TMEM117: variants seen among roughly 807,000 people sequenced by gnomAD.
TMEM117 encodes the protein transmembrane protein 117.
A neutral mutation model predicts 52.4 loss-of-function variants in TMEM117; 27 were observed. That is an observed-to-expected ratio of 0.51 (90% CI 0.38 to 0.71). The LOEUF is 0.71. Among genes scored for constraint, TMEM117 ranks in the 30% least tolerant of loss-of-function variants. The pLI is 0.00. For missense variants in TMEM117, 556 were observed against 630.5 expected, an observed-to-expected ratio of 0.88 and a Z score of 1.26; for synonymous variants, 215 against 206.3, an observed-to-expected ratio of 1.04 and a Z score of -0.36.
At chr12:44,346,076 C>T (rs1291723702) in intron 6 of TMEM117, among the ~76,000 whole-genome samples, 2 of 152,066 alleles carry the variant, frequency 1.3e-5, no homozygotes, top group African/African-American at 2.4e-5. Context: ...CAGTTCGATA[C>T]AAATAAAATC....
At chr12:44,114,320 T>TA (rs1371064299) in intron 3 of TMEM117, among the ~76,000 whole-genome samples, 2 of 152,208 alleles carry the variant, frequency 1.3e-5, no homozygotes, top group Admixed American at 6.5e-5. Context: ...TGCCTGTTCA[T>TA]AATGGCAACC....
chr12:44,247,894 C>G (rs1950150102), intron 5 of TMEM117, among the ~76,000 whole-genome samples: 1 of 152,182 alleles, frequency 6.6e-6, no homozygotes, highest in African/African-American at 2.4e-5. Context: ...GCTCTCTCTC[C>G]CACCGCCTTG....
At chr12:44,218,915 G>A (rs917512896) in intron 5 of TMEM117, among the ~76,000 whole-genome samples, 20 of 152,140 alleles carry the variant, frequency 1.3e-4, no homozygotes, top group African/African-American at 4.8e-4. Flanking sequence ...TGCTGTTTAA[G>A]TTGCATAGCT....
chr12:44,074,878 G>T (rs866061752), intron 3 of TMEM117, among the ~76,000 whole-genome samples: 1 of 152,086 alleles, frequency 6.6e-6, no homozygotes, highest in African/African-American at 2.4e-5. Flanking sequence ...CTCTTGCTTC[G>T]TGGTAATTTA....
intron 3 of TMEM117, among the ~76,000 whole-genome samples, chr12:44,123,758 A>G (rs538409032): frequency 6.6e-6 from 1 of 152,258 alleles, no homozygotes; most frequent in South Asian, 2.1e-4. Flanking sequence ...ACATTGGTAT[A>G]TGTGTCCGTT....
chr12:43,959,968 G>A (rs986261529), intron 3 of TMEM117, among the ~76,000 whole-genome samples: 4 of 152,200 alleles, frequency 2.6e-5, no homozygotes, highest in African/African-American at 9.7e-5. Flanking sequence ...GGGTTCAGGA[G>A]CTAGTGTGGG....
In TMEM117 at chr12:44,223,977, A is replaced by G. The variant is rs150639633; in HGVS notation, c.608+12590A>G. ...CTGGCTGTCAATCTACTGCGCTTCC[A>G]TATTTTATTAACTCTGTGTGGGCTT... is the stretch of plus-strand genomic sequence containing the variant. On this transcript the variant is annotated intron_variant, in intron 5 of 7. Coordinates refer to ENST00000266534, the MANE Select transcript of TMEM117 (RefSeq NM_032256.3). Among the ~76,000 whole-genome samples, 900 of 152,224 alleles carry G rather than the reference A, an allele frequency of 5.9e-3. 7 individuals are homozygous for G. The highest frequency in any genetic ancestry group is 0.02 in the African/African-American group (848 of 41,546).
rs55867403 is a variant in TMEM117, at chr12:44,129,260, C to T, written c.411-14265C>T. On this transcript the variant is annotated intron_variant, in intron 3 of 7. Transcript: ENST00000266534. ...TACACATACCCTTTAGTGAGCAGCC[C>T]AAGTCAGCAGTGTGGCCATCCACTT... is the stretch of plus-strand genomic sequence containing the variant. Among the ~76,000 whole-genome samples the T allele has an allele frequency of 4.5e-3, 687 of 152,278 alleles. 2 individuals carry two copies. The highest frequency in any genetic ancestry group is 8.0e-3 in the Non-Finnish European group (547 of 68,016).
chr12:44,282,248 C>T (rs969030022), intron 5 of TMEM117, among the ~76,000 whole-genome samples: 1 of 152,192 alleles, frequency 6.6e-6, no homozygotes, highest in South Asian at 2.1e-4. Context: ...CAGACTAATA[C>T]AGTAAATTGG....
chr12:44,047,633 A>G (rs2137915207), intron 3 of TMEM117, among the ~76,000 whole-genome samples: 1 of 152,336 alleles, frequency 6.6e-6, no homozygotes, highest in South Asian at 2.1e-4. Context: ...CAATAATTTT[A>G]CCAGCTAAAT....
intron 2 of TMEM117, among the ~76,000 whole-genome samples, chr12:43,854,220 G>C (rs907334837): frequency 6.6e-6 from 1 of 152,076 alleles, no homozygotes; most frequent in Non-Finnish European, 1.5e-5. Context: ...AGAGATTTGG[G>C]GAGTAAAACA....
At chr12:44,238,641 T>C (rs2138474067) in intron 5 of TMEM117, among the ~76,000 whole-genome samples, 1 of 152,052 alleles carries the variant, frequency 6.6e-6, no homozygotes, top group African/African-American at 2.4e-5. Flanking sequence ...CAAGACCCTG[T>C]CTCTAAACAA....
At chr12:44,185,191 C>G (rs1367965405) in intron 4 of TMEM117, among the ~76,000 whole-genome samples, 1 of 152,178 alleles carries the variant, frequency 6.6e-6, no homozygotes, top group Non-Finnish European at 1.5e-5. Flanking sequence ...GAGCTGACAT[C>G]TTTTCTTACT....
At chr12:44,232,749 TTG>T (rs1395568254) in intron 5 of TMEM117, among the ~76,000 whole-genome samples, 1 of 151,416 alleles carries the variant, frequency 6.6e-6, no homozygotes, top group Non-Finnish European at 1.5e-5. Flanking sequence ...ATTCCTTTAT[TTG>T]TGTCTTTAAT....
chr12:44,035,645 G>T (rs1054151190), intron 3 of TMEM117, among the ~76,000 whole-genome samples: 1 of 152,124 alleles, frequency 6.6e-6, no homozygotes, highest in Non-Finnish European at 1.5e-5. Flanking sequence ...TTGTTAACTT[G>T]AGTGTACTCT....
At chr12:43,813,886 T>C in the TMEM117 span, among the ~76,000 whole-genome samples, 3,353 of 152,200 alleles carry the variant, frequency 0.022, 60 homozygotes, top group Non-Finnish European at 0.032. Flanking sequence ...CTCCCTCCCT[T>C]ACTTTCTTTT....
At chr12:44,121,336 A>G (rs1948230845) in intron 3 of TMEM117, among the ~76,000 whole-genome samples, 1 of 152,184 alleles carries the variant, frequency 6.6e-6, no homozygotes, top group Non-Finnish European at 1.5e-5. Flanking sequence ...CCATTGAACA[A>G]CATGGGTTTG....
At chr12:43,955,321 G>C (rs1243927980) in intron 3 of TMEM117, among the ~76,000 whole-genome samples, 1 of 152,056 alleles carries the variant, frequency 6.6e-6, no homozygotes, top group Non-Finnish European at 1.5e-5. Context: ...AGAAAGAAAG[G>C]GTATTCAGGT....
chr12:44,331,195 A>T (rs1351470378), intron 6 of TMEM117, among the ~76,000 whole-genome samples: 2 of 151,874 alleles, frequency 1.3e-5, no homozygotes, highest in African/African-American at 4.8e-5. Context: ...AAAAAAAAAA[A>T]AATCTTTTTT....
Sources: gnomAD v4.1 joint callset for allele counts (sites outside exome capture counted in the v4.1 genomes callset) on GRCh38, gnomAD v4.1.1 for gene constraint, MANE v1.5 for transcripts, NCBI Gene and HGNC (gene_info 2026-07-23, HGNC 2026-07-21) for gene names.